The following MRM1 variants were observed in gnomAD, a reference collection of about 807,000 sequenced individuals.
The protein encoded by MRM1 is rRNA methyltransferase 1, mitochondrial.
A neutral mutation model predicts 25.0 loss-of-function variants in MRM1; 24 were observed. That is an observed-to-expected ratio of 0.96 (90% CI 0.69 to 1.35). MRM1 has a LOEUF of 1.35. MRM1 is among the 40% of genes most tolerant of loss of function. The pLI is 0.00. For synonymous variants in MRM1, 188 were observed against 199.2 expected (o/e 0.94, Z 0.47); for missense variants, 431 against 464.1 (o/e 0.93, Z 0.65).
intron 2 of MRM1, chr17:36,603,220 G>C: frequency 2.0e-6 from 2 of 983,038 alleles, no homozygotes; most frequent in South Asian, 9.4e-5. Flanking sequence ...CTCTTAAGAA[G>C]GGGGAGAGCT....
chr17:36,606,728 C>G (rs1265169773), intron 2 of MRM1, among the ~76,000 whole-genome samples: 1 of 151,756 alleles, frequency 6.6e-6, no homozygotes, highest in Non-Finnish European at 1.5e-5. Context: ...CTCCCTCAGA[C>G]TCCCAAATAG....
Position 36,607,720 on chromosome 17 carries a change from C to T in MRM1, c.687C>T (p.Ser229=), listed in dbSNP as rs1431280452. The T allele has an allele frequency of 6.2e-7, 1 of 1,614,196 alleles. No individual in the cohort carries two copies. Among genetic ancestry groups the T allele is most frequent in the East Asian group, 2.2e-5 (1 of 44,880 alleles). ...WLVAGTVGCP[S]TEDPQSSEIP... ...TGGCCGGCACGGTGGGCTGCCCAAG[C>T]ACAGAGGATCCCCAGTCCTCCGAGA... The change falls in exon 3 of 5, where the codon AGC becomes AGT. Residue 229 remains serine, a synonymous_variant. Transcript: ENST00000614766.
chr17:36,618,195 C>T, the MRM1 span, among the ~76,000 whole-genome samples: 1 of 151,938 alleles, frequency 6.6e-6, no homozygotes, highest in Admixed American at 6.6e-5. Context: ...CTTAAGGGGG[C>T]AGACACCACA....
Position 36,608,617 on chromosome 17 carries a change from T to C in MRM1, c.*202T>C. Reference sequence around the variant, plus strand: ...GTGATGTTGGACCTGTAGTAGGACATGGTGATTTGTTAATTTCCATGGGAA... The same window carrying C: ...GTGATGTTGGACCTGTAGTAGGACACGGTGATTTGTTAATTTCCATGGGAA... On this transcript the variant is annotated 3_prime_UTR_variant, in exon 5 of 5. Transcript: ENST00000614766. The C allele has an allele frequency of 2.4e-6, 1 of 409,466 alleles. No homozygotes were observed. The highest frequency in any genetic ancestry group is 4.3e-6 in the Non-Finnish European group (1 of 233,332). The allele number at this position is 409,466 out of a possible 1,614,324, so 25.4% of individuals were successfully genotyped here.
chr17:36,616,722 T>TTTTG, the MRM1 span, among the ~76,000 whole-genome samples: 16 of 152,154 alleles, frequency 1.1e-4, no homozygotes, highest in South Asian at 2.1e-4. Flanking sequence ...TTACCATACT[T>TTTTG]TTTGTTTGTT....
chr17:36,601,891 G>A lies in MRM1; in HGVS notation c.81G>A (p.Gly27=), dbSNP rs1343125473. ...TRHFSHAARH[G]ERPGGEELSR... ...ATTTCTCCCATGCAGCGCGGCATGG[G>A]GAGCGGCCTGGTGGGGAGGAGCTAA... The change falls in exon 1 of 5, where the codon GGG becomes GGA. Residue 27 remains glycine, a synonymous_variant. Transcript: ENST00000614766. 1 of 1,610,670 alleles carries A rather than the reference G, an allele frequency of 6.2e-7. No individual in the cohort carries two copies. The highest frequency in any genetic ancestry group is 8.5e-7 in the Non-Finnish European group (1 of 1,179,454).
chr17:36,620,777 A>G, the MRM1 span, among the ~76,000 whole-genome samples: 2 of 152,166 alleles, frequency 1.3e-5, no homozygotes, highest in African/African-American at 2.4e-5. Flanking sequence ...TTTGAAGCCT[A>G]GCTGTGCAGG....
intron 4 of MRM1, 83 bp downstream of exon 4, chr17:36,608,101 T>C: frequency 6.4e-7 from 1 of 1,554,272 alleles, no homozygotes; most frequent in Non-Finnish European, 8.7e-7. Flanking sequence ...ATTTGCTGGC[T>C]GTTTGTGTGC....
At position 36,608,798 on chromosome 17, in the gene MRM1, T is replaced by G. The variant is rs80159857; in HGVS notation, c.*383T>G. ...TGTGGCAAATGTGTGTATGAGAATG[T>G]GGGGGGTGGAGGGCGGGGCCCTGAT... On this transcript the variant is annotated 3_prime_UTR_variant, in exon 5 of 5. Coordinates refer to ENST00000614766, the MANE Select transcript of MRM1 (RefSeq NM_024864.5). The G allele has an allele frequency of 0.063, 9,864 of 156,560 alleles. 529 individuals carry two copies. Among genetic ancestry groups the G allele is most frequent in the African/African-American group, 0.14 (5,759 of 40,952 alleles). The allele number at this position is 156,560 out of a possible 1,614,324, so 9.7% of individuals were successfully genotyped here. A position where few individuals can be genotyped will look rare whatever the true frequency, so the allele number is the denominator to read the frequency against.
chr17:36,602,707 C>T lies in MRM1; in HGVS notation c.636+61C>T. ...GCCCAGCTCAGCCTCTTCAAGGGGA[C>T]GAAGCTAGCCCCTGGCGAGGGAGAG... On this transcript the variant is annotated intron_variant, in intron 2 of 4. Transcript: ENST00000614766. The surrounding 1 kb of genome is among the most constrained non-coding windows in gnomAD (Gnocchi z 4.1). 6.3e-7 allele frequency: 1 copy of T among 1,576,920 alleles called. No individual in the cohort carries two copies. Among genetic ancestry groups the T allele is most frequent in the South Asian group, 1.1e-5 (1 of 90,314 alleles).
the MRM1 span, among the ~76,000 whole-genome samples, chr17:36,621,496 C>T: frequency 6.6e-6 from 1 of 152,202 alleles, no homozygotes; most frequent in African/African-American, 2.4e-5. Context: ...CCACTCCCGG[C>T]TTCCCAGTCC....
the MRM1 span, among the ~76,000 whole-genome samples, chr17:36,632,313 C>G: frequency 1.3e-5 from 2 of 152,112 alleles, no homozygotes; most frequent in Non-Finnish European, 2.9e-5. Context: ...AGCAAAGAGC[C>G]AGGAGAGCCA....
chr17:36,628,268 A>G, the MRM1 span, among the ~76,000 whole-genome samples: 1 of 152,174 alleles, frequency 6.6e-6, no homozygotes, highest in Non-Finnish European at 1.5e-5. Context: ...GATTATAGGC[A>G]CGAGCCACTG....
chr17:36,615,220 G>C, the MRM1 span, among the ~76,000 whole-genome samples: 8 of 152,184 alleles, frequency 5.3e-5, no homozygotes, highest in African/African-American at 1.7e-4. Flanking sequence ...CGGGGAGGAG[G>C]GGCTGGGCCT....
chr17:36,605,128 G>C (rs1470406965), intron 2 of MRM1, among the ~76,000 whole-genome samples: 1 of 147,554 alleles, frequency 6.8e-6, no homozygotes, highest in Non-Finnish European at 1.5e-5. Flanking sequence ...CAATAAGAGT[G>C]AAACTCTATC....
chr17:36,619,032 C>T, the MRM1 span, among the ~76,000 whole-genome samples: 1 of 152,208 alleles, frequency 6.6e-6, no homozygotes, highest in Non-Finnish European at 1.5e-5. Context: ...GGAAACTCTA[C>T]CCTTTAAACC....
the MRM1 span, among the ~76,000 whole-genome samples, chr17:36,628,258 G>A: frequency 6.6e-6 from 1 of 152,206 alleles, no homozygotes; most frequent in Non-Finnish European, 1.5e-5. Context: ...AAAGTGCTAG[G>A]ATTATAGGCA....
chr17:36,622,571 CAAAAA>C, the MRM1 span, among the ~76,000 whole-genome samples: 59 of 104,304 alleles, frequency 5.7e-4, no homozygotes, highest in African/African-American at 1.8e-3. Flanking sequence ...GACTCCGTCT[CAAAAA>C]AAAAAAAAAA....
At chr17:36,614,858 T>C in the MRM1 span, among the ~76,000 whole-genome samples, 1 of 152,246 alleles carries the variant, frequency 6.6e-6, no homozygotes, top group East Asian at 1.9e-4. Context: ...CTCAAAACTA[T>C]GTTCTTAAAT....
Sources: allele counts gnomAD v4.1 joint callset (sites outside exome capture counted in the v4.1 genomes callset), GRCh38; gene constraint gnomAD v4.1.1; non-coding constraint Gnocchi (gnomAD v3.1); transcripts MANE v1.5; gene names NCBI Gene and HGNC (gene_info 2026-07-23, HGNC 2026-07-21).